The following CLEC16A variants were observed in gnomAD, a reference collection of about 807,000 sequenced individuals.
The protein encoded by CLEC16A is C-type lectin domain containing 16A.
Under a neutral mutation model 109.5 loss-of-function variants are expected in CLEC16A, and 51 were observed. The ratio of observed to expected loss-of-function variants is 0.47; its 90% CI spans 0.37 to 0.59. CLEC16A has a LOEUF of 0.59. Ranked by LOEUF, CLEC16A falls within the 20% of genes least tolerant of loss-of-function variation. The pLI, the probability that CLEC16A is intolerant of heterozygous loss-of-function variation, is 0.00. For missense variants in CLEC16A, 1,339 were observed against 1,394.0 expected (o/e 0.96, Z 0.63); for synonymous variants, 673 against 564.2 (o/e 1.19, Z -2.73).
At chr16:11,125,904 T>TG in intron 21 of CLEC16A, 75 bp from the exon 22 acceptor site, 3 of 182,594 alleles carry the variant, frequency 1.6e-5, no homozygotes, top group East Asian at 1.3e-4. Context: ...CACTACGATG[T>TG]CCCCCCCCCC....
chr16:10,984,328 G>GT (rs1404564751), intron 10 of CLEC16A, among the ~76,000 whole-genome samples: 6 of 152,196 alleles, frequency 3.9e-5, no homozygotes, highest in African/African-American at 1.2e-4. Context: ...CTTGTTAGTG[G>GT]TGGTGGCATT....
chr16:10,984,120 C>T (rs76518417), intron 10 of CLEC16A, among the ~76,000 whole-genome samples: 3 of 152,086 alleles, frequency 2.0e-5, no homozygotes, highest in South Asian at 2.1e-4. Context: ...CCAGCTCGCC[C>T]TGGGGTAGTA....
intron 11 of CLEC16A, among the ~76,000 whole-genome samples, chr16:11,010,736 C>T (rs188915579): frequency 6.6e-6 from 1 of 152,328 alleles, no homozygotes; most frequent in African/African-American, 2.4e-5. Flanking sequence ...CATATTCTCT[C>T]CTCCAGTGCA....
chr16:10,986,012 ATTTTTTTTTTTTTT>A (rs59547466), intron 10 of CLEC16A, among the ~76,000 whole-genome samples: 14 of 43,454 alleles, frequency 3.2e-4, no homozygotes, highest in African/African-American at 1.2e-3. Context: ...GGCCTGCAGA[ATTTTTTTTTTTTTT>A]TTTTTTTTTT....
At chr16:10,966,815 G>A (rs974865281) in intron 3 of CLEC16A, among the ~76,000 whole-genome samples, 1 of 152,144 alleles carries the variant, frequency 6.6e-6, no homozygotes, top group African/African-American at 2.4e-5. Flanking sequence ...ATCTCCACCT[G>A]ATCCCTCCCA....
rs550433666 is a variant in CLEC16A at position 10,952,259 on chromosome 16, C to T, written c.81-5523C>T. On this transcript the variant is annotated intron_variant, in intron 1 of 23. Transcript: ENST00000409790. ...CTGTAATCCCAGCACTTTGGGAAGC[C>T]GAGGCAGGCAGATCAGTTGAGGTCT... 2.1e-3 allele frequency among the ~76,000 whole-genome samples: 315 copies of T among 152,264 alleles called. 3 individuals are homozygous for T. Among genetic ancestry groups the T allele is most frequent in the African/African-American group, 7.1e-3 (297 of 41,562 alleles).
intron 19 of CLEC16A, among the ~76,000 whole-genome samples, chr16:11,115,907 A>G (rs9939397): frequency 0.49 from 73,926 of 151,066 alleles, 18,916 homozygotes; most frequent in African/African-American, 0.66. Context: ...TTTAAAGACA[A>G]GGTCTCACTA....
chr16:11,037,375 C>T (rs370968655), intron 13 of CLEC16A, among the ~76,000 whole-genome samples: 68 of 152,344 alleles, frequency 4.5e-4, no homozygotes, highest in African/African-American at 1.5e-3. Context: ...AACTCTGGGC[C>T]TTAACTTCCT....
chr16:10,994,329 G>A (rs563047786), intron 10 of CLEC16A, among the ~76,000 whole-genome samples: 31 of 152,260 alleles, frequency 2.0e-4, no homozygotes, highest in African/African-American at 7.2e-4. Context: ...AGCTCCACGC[G>A]GCTCCTGGAT....
At chr16:11,109,912 C>G (rs540733789) in intron 19 of CLEC16A, among the ~76,000 whole-genome samples, 1 of 152,238 alleles carries the variant, frequency 6.6e-6, no homozygotes, top group Non-Finnish European at 1.5e-5. Context: ...CCTTGGAATT[C>G]TGCTGGCCTG....
At chr16:11,114,925 T>C (rs1007046598) in intron 19 of CLEC16A, among the ~76,000 whole-genome samples, 1 of 152,266 alleles carries the variant, frequency 6.6e-6, no homozygotes, top group Admixed American at 6.5e-5. Context: ...GTCTCACTGG[T>C]GTGGCCGCAT....
chr16:10,979,994 T>C (rs949980101), intron 9 of CLEC16A, among the ~76,000 whole-genome samples: 1 of 152,184 alleles, frequency 6.6e-6, no homozygotes, highest in Non-Finnish European at 1.5e-5. Context: ...GGCGACCCAG[T>C]TACATAACTT....
In CLEC16A at chr16:11,179,994, C is replaced by T. The variant is rs201344524; in HGVS notation, c.*1304C>T. On this transcript the variant is annotated 3_prime_UTR_variant, in exon 24 of 24. Coordinates refer to ENST00000409790, the MANE Select transcript of CLEC16A (RefSeq NM_015226.3). ...AGCCCAGGCCGTGATCCACCCTCCCCAAGTCCACCAGGGCCAGCGGCCCCT... is the reference window on the plus strand; with the variant it reads ...AGCCCAGGCCGTGATCCACCCTCCCTAAGTCCACCAGGGCCAGCGGCCCCT... 1 of 152,632 alleles carries T rather than the reference C, an allele frequency of 6.6e-6. No individual in the cohort carries two copies. The highest frequency in any genetic ancestry group is 1.5e-5 in the Non-Finnish European group (1 of 68,328). The allele number at this position is 152,632 out of a possible 1,614,324, so 9.5% of individuals were successfully genotyped here.
intron 22 of CLEC16A, among the ~76,000 whole-genome samples, chr16:11,147,497 GGTT>G (rs1555501314): frequency 2.6e-5 from 4 of 152,222 alleles, no homozygotes; most frequent in Non-Finnish European, 5.9e-5. Context: ...CGAGGTTCCA[GGTT>G]GTTCTGCAGA....
chr16:11,066,315 G>C (rs927881858), intron 19 of CLEC16A, among the ~76,000 whole-genome samples: 2 of 152,108 alleles, frequency 1.3e-5, no homozygotes, highest in Non-Finnish European at 2.9e-5. Context: ...TCTGGGTACA[G>C]CATTTTGTGA....
intron 1 of CLEC16A, among the ~76,000 whole-genome samples, chr16:10,952,605 T>A (rs1159598926): frequency 2.6e-5 from 4 of 152,228 alleles, no homozygotes; most frequent in Non-Finnish European, 5.9e-5. Flanking sequence ...ACATTAAATC[T>A]TAATCCATTC....
In CLEC16A at chr16:11,093,921, G is replaced by A. The variant is rs181036919; in HGVS notation, c.2117-26694G>A. On this transcript the variant is annotated intron_variant, in intron 19 of 23. Coordinates refer to ENST00000409790, the MANE Select transcript of CLEC16A (RefSeq NM_015226.3). ...GTGAGAGGACAGTGACCCAAGCCAC[G>A]GTGCGTTCAGGGATGGGGCAGGCTT... 7.2e-5 allele frequency among the ~76,000 whole-genome samples: 11 copies of A among 152,244 alleles called. No homozygotes were observed. The East Asian group carries it at 1.5e-3, about 21-fold the overall frequency.
chr16:11,024,453 A>G (rs941028283), intron 12 of CLEC16A: 1 of 198,590 alleles, frequency 5.0e-6, no homozygotes, highest in Non-Finnish European at 1.0e-5. Flanking sequence ...TGTTTTCTTC[A>G]TTGGCTTGTG....
Position 11,029,839 on chromosome 16 carries a change from A to C in CLEC16A, c.1537+4918A>C, listed in dbSNP as rs139393238. Among the ~76,000 whole-genome samples, 35 of 152,332 alleles carry C rather than the reference A, an allele frequency of 2.3e-4. 1 individual carries two copies. The East Asian group carries it at 6.7e-3, about 29-fold the overall frequency. On this transcript the variant is annotated intron_variant, in intron 13 of 23. Coordinates refer to ENST00000409790, the MANE Select transcript of CLEC16A (RefSeq NM_015226.3). ...GTGAAATCATCACCATGATCAAGGCAGTGTATAATCCAGCATCCCAAACAT... is the reference window on the plus strand; with the variant it reads ...GTGAAATCATCACCATGATCAAGGCCGTGTATAATCCAGCATCCCAAACAT...
Sources: allele counts gnomAD v4.1 joint callset (sites outside exome capture counted in the v4.1 genomes callset), GRCh38; gene constraint gnomAD v4.1.1; transcripts MANE v1.5; gene names NCBI Gene and HGNC (gene_info 2026-07-23, HGNC 2026-07-21).